DLG2: variants seen among roughly 807,000 people sequenced by gnomAD.
DLG2 encodes the protein discs large MAGUK scaffold protein 2.
DLG2 carries 45 observed loss-of-function variants against 132.5 expected under a neutral mutation model. The observed-to-expected ratio is 0.34, with a 90% CI of 0.27 to 0.44. DLG2 has a LOEUF of 0.44. DLG2 is among the 20% of genes least tolerant of loss of function. The pLI is 1.00. For synonymous variants in DLG2, 424 were observed against 419.6 expected (o/e 1.01, Z -0.13); for missense variants, 1,045 against 1,196.9 (o/e 0.87, Z 1.87).
At chr11:84,274,852 T>G (rs2097769552) in intron 7 of DLG2, among the ~76,000 whole-genome samples, 1 of 152,214 alleles carries the variant, frequency 6.6e-6, no homozygotes, top group African/African-American at 2.4e-5. Context: ...TTCTCATTCA[T>G]GGTGTTCTGT....
At chr11:84,072,665 C>G (rs1017487255) in intron 10 of DLG2, among the ~76,000 whole-genome samples, 6 of 152,010 alleles carry the variant, frequency 3.9e-5, no homozygotes, top group African/African-American at 7.2e-5. Context: ...GGTCTTGGTA[C>G]GACATGTTAA....
At position 83,586,768 on chromosome 11, in the gene DLG2, C is replaced by A. The variant is rs1045976050; in HGVS notation, c.1941-44910G>T. 5.3e-5 allele frequency among the ~76,000 whole-genome samples: 8 copies of A among 152,308 alleles called. 1 individual carries two copies. The highest frequency in any genetic ancestry group is 3.4e-3 in the Middle Eastern group (1 of 294). On this transcript the variant is annotated intron_variant, in intron 19 of 27. Transcript: ENST00000376104. ...AACCAGCTTGCGTAAGTTTTCACAGCTAGGAAATCTCAGAGCCAGGACTCA... is the reference window on the plus strand; with the variant it reads ...AACCAGCTTGCGTAAGTTTTCACAGATAGGAAATCTCAGAGCCAGGACTCA...
intron 3 of DLG2, among the ~76,000 whole-genome samples, chr11:85,459,568 G>A (rs559846677): frequency 1.3e-5 from 2 of 152,266 alleles, no homozygotes; most frequent in East Asian, 1.9e-4. Context: ...CTATTATGTG[G>A]TGCAAAGCCG....
chr11:83,544,205 G>T (rs1411983488), intron 19 of DLG2, among the ~76,000 whole-genome samples: 1 of 152,102 alleles, frequency 6.6e-6, no homozygotes, highest in Non-Finnish European at 1.5e-5. Context: ...TTTGTCCTAT[G>T]GTCCTGCTCC....
At chr11:84,168,862 C>A (rs1349311721) in intron 8 of DLG2, among the ~76,000 whole-genome samples, 2 of 151,682 alleles carry the variant, frequency 1.3e-5, no homozygotes, top group African/African-American at 4.8e-5. Context: ...AACACACACA[C>A]TCATTTGCAT....
chr11:85,229,786 T>C (rs1485899899), intron 4 of DLG2, among the ~76,000 whole-genome samples: 2 of 152,102 alleles, frequency 1.3e-5, no homozygotes, highest in African/African-American at 2.4e-5. Flanking sequence ...GTGGCACATA[T>C]ACACCATGGA....
intron 19 of DLG2, among the ~76,000 whole-genome samples, chr11:83,567,950 G>A (rs1194009000): frequency 6.6e-6 from 1 of 152,120 alleles, no homozygotes; most frequent in Admixed American, 6.6e-5. Context: ...CCTGCTACAG[G>A]AAATGAGGGA....
intron 3 of DLG2, among the ~76,000 whole-genome samples, chr11:85,294,344 T>C (rs1286598095): frequency 1.4e-5 from 2 of 146,706 alleles, no homozygotes; most frequent in Admixed American, 6.7e-5. Context: ...TCCAGTAACA[T>C]TTGTAAAAAA....
intron 6 of DLG2, among the ~76,000 whole-genome samples, chr11:84,572,772 A>T (rs960030812): frequency 3.3e-5 from 5 of 152,140 alleles, no homozygotes; most frequent in African/African-American, 1.2e-4. Context: ...AAGAAAAAAA[A>T]AACAGGCTTG....
At chr11:85,215,062 T>C (rs1427202630) in intron 4 of DLG2, among the ~76,000 whole-genome samples, 5 of 152,180 alleles carry the variant, frequency 3.3e-5, no homozygotes, top group East Asian at 1.9e-4. Flanking sequence ...AAGAACGTGA[T>C]TGCTTTTGAA....
At chr11:84,363,941 C>T (rs1169831543) in intron 7 of DLG2, among the ~76,000 whole-genome samples, 16 of 152,226 alleles carry the variant, frequency 1.1e-4, no homozygotes, top group South Asian at 6.2e-4. Flanking sequence ...AGTCAGGTAG[C>T]ATGATGCCTC....
rs549116990 is a variant in DLG2, at chr11:85,468,743, A to G, written c.40+129914T>C. ...TGCTTTACTTCCAAATAAGTGGTCA[A>G]TTTTGGAATAGGTGTGGTGTGGTGC... On this transcript the variant is annotated intron_variant, in intron 3 of 27. Coordinates refer to ENST00000376104, the MANE Select transcript of DLG2 (RefSeq NM_001142699.3). Among the ~76,000 whole-genome samples, 6 of 152,298 alleles carry G rather than the reference A, an allele frequency of 3.9e-5. No homozygotes were observed. In the East Asian group the frequency reaches 5.8e-4, roughly 15 times the overall value.
intron 3 of DLG2, among the ~76,000 whole-genome samples, chr11:85,378,018 C>T (rs2085572438): frequency 6.6e-6 from 1 of 151,842 alleles, no homozygotes; most frequent in Admixed American, 6.6e-5. Context: ...ACCAGCTGTT[C>T]CCACATATTT....
chr11:85,102,871 T>C (rs2071097741), intron 6 of DLG2, among the ~76,000 whole-genome samples: 1 of 151,962 alleles, frequency 6.6e-6, no homozygotes, highest in Non-Finnish European at 1.5e-5. Flanking sequence ...GTACAGTATC[T>C]AGAAAATCCT....
chr11:83,854,753 TTTTTA>T (rs2060257793), intron 16 of DLG2, among the ~76,000 whole-genome samples: 1 of 152,096 alleles, frequency 6.6e-6, no homozygotes, highest in African/African-American at 2.4e-5. Flanking sequence ...AAGCTGGACT[TTTTTA>T]TTTTATTAAA....
intron 8 of DLG2, among the ~76,000 whole-genome samples, chr11:84,198,644 T>TCATGTATA (rs2096553940): frequency 6.6e-6 from 1 of 152,092 alleles, no homozygotes; most frequent in South Asian, 2.1e-4. Context: ...CTACAATTAG[T>TCATGTATA]CAAATAAATG....
At chr11:85,354,938 A>G (rs189813218) in intron 3 of DLG2, among the ~76,000 whole-genome samples, 190 of 152,236 alleles carry the variant, frequency 1.2e-3, no homozygotes, top group Non-Finnish European at 2.2e-3. Context: ...AAAAACAGAT[A>G]ACATTTCTTG....
chr11:85,560,109 A>G (rs2077156614), intron 3 of DLG2, among the ~76,000 whole-genome samples: 1 of 151,874 alleles, frequency 6.6e-6, no homozygotes, highest in African/African-American at 2.4e-5. Flanking sequence ...GGATATGGAG[A>G]AACTACATCA....
intron 4 of DLG2, among the ~76,000 whole-genome samples, chr11:85,248,949 T>C (rs1269465685): frequency 6.6e-6 from 1 of 152,036 alleles, no homozygotes; most frequent in Non-Finnish European, 1.5e-5. Flanking sequence ...CCAATGACAG[T>C]AGAGGATATT....
Sources: allele counts gnomAD v4.1 joint callset (sites outside exome capture counted in the v4.1 genomes callset), GRCh38; gene constraint gnomAD v4.1.1; transcripts MANE v1.5; gene names NCBI Gene and HGNC (gene_info 2026-07-23, HGNC 2026-07-21).